The following TOP2B variants were observed in gnomAD, a reference collection of about 807,000 sequenced individuals.
The protein encoded by TOP2B is DNA topoisomerase 2-beta.
In TOP2B, 51 loss-of-function variants were observed where a neutral mutation model predicts 193.5. The observed-to-expected ratio is 0.26, with a 90% CI of 0.21 to 0.33. The LOEUF is 0.33. TOP2B is among the 10% of genes least tolerant of loss of function. The pLI, the probability that TOP2B is intolerant of heterozygous loss-of-function variation, is 1.00. For synonymous variants in TOP2B, 634 were observed against 635.7 expected, an observed-to-expected ratio of 1.00 and a Z score of 0.04; for missense variants, 1,378 against 1,909.3, an observed-to-expected ratio of 0.72 and a Z score of 5.19.
Position 25,636,016 on chromosome 3 carries a change from C to A in TOP2B, c.772G>T (p.Ala258Ser), listed in dbSNP as rs1703096491. ...KMEKLDKDIVALMTRRAYDLA... is the reference protein window; with the variant it reads ...KMEKLDKDIVSLMTRRAYDLA... ...TCATATGCCCTTCTAGTCATGAGGG[C>A]CACAATATCCTTGTCAAGTTTTTCC... Residue 258 changes from alanine to serine, a missense_variant, in exon 7 of 36, where the codon GCC becomes TCC. Coordinates refer to ENST00000264331, the MANE Select transcript of TOP2B (RefSeq NM_001330700.2). The A allele has an allele frequency of 6.2e-7, 1 of 1,613,322 alleles. No homozygotes were observed. The highest frequency in any genetic ancestry group is 1.3e-5 in the African/African-American group (1 of 74,902).
At chr3:25,608,447 T>C (rs1005246153) in intron 30 of TOP2B, among the ~76,000 whole-genome samples, 6 of 152,204 alleles carry the variant, frequency 3.9e-5, no homozygotes, top group African/African-American at 1.2e-4. Flanking sequence ...GATTCACCTA[T>C]ATTATGCTAC....
Position 25,620,674 on chromosome 3 carries a change from A to C in TOP2B, c.2862+8T>G. ...CTTCCCTCAGGCAGATCACATATTT[A>C]CACTGACCTGTGTCCAAGTTCTAAC... On this transcript the variant is annotated splice_region_variant and intron_variant, in intron 22 of 35. Coordinates refer to ENST00000264331, the MANE Select transcript of TOP2B (RefSeq NM_001330700.2). 1 of 1,610,956 alleles carries C rather than the reference A, an allele frequency of 6.2e-7. No homozygotes were observed. Among genetic ancestry groups the C allele is most frequent in the Non-Finnish European group, 8.5e-7 (1 of 1,178,374 alleles).
intron 33 of TOP2B, among the ~76,000 whole-genome samples, chr3:25,602,457 A>C (rs1169925108): frequency 6.6e-6 from 1 of 151,290 alleles, no homozygotes. Context: ...TAATTAAGAA[A>C]ACCTAATTTG....
At chr3:25,629,585 A>G (rs1427396985) in intron 13 of TOP2B, among the ~76,000 whole-genome samples, 4 of 152,146 alleles carry the variant, frequency 2.6e-5, no homozygotes, top group Non-Finnish European at 4.4e-5. Flanking sequence ...TTTTCTCTAC[A>G]AATACTTTAG....
intron 28 of TOP2B, among the ~76,000 whole-genome samples, chr3:25,611,529 C>T (rs868704128): frequency 2.0e-5 from 3 of 152,176 alleles, no homozygotes; most frequent in South Asian, 2.1e-4. Flanking sequence ...CACATCTAAA[C>T]GTATACTTTC....
In TOP2B at chr3:25,629,116, C is replaced by T; in HGVS notation, c.1719G>A (p.Leu573=). The stretch of plus-strand genomic sequence containing the variant: ...AATTGTGATGGATGAAATTAATAAG[C>T]AGGCCTTTTATGTGAGAACCATCTT... ...QDQDGSHIKG[L]LINFIHHNWP... is the part of the protein sequence containing the mutation. Residue 573 remains leucine (L), a synonymous_variant, in exon 14 of 36, where the codon CTG becomes CTA. Transcript: ENST00000264331. The T allele has an allele frequency of 6.2e-7, 1 of 1,600,972 alleles. No individual in the cohort carries two copies. Among genetic ancestry groups the T allele is most frequent in the Non-Finnish European group, 8.5e-7 (1 of 1,175,378 alleles).
chr3:25,624,628 C>T, intron 19 of TOP2B, 54 bp downstream of exon 19: 1 of 1,595,960 alleles, frequency 6.3e-7, no homozygotes, highest in Non-Finnish European at 8.5e-7. Flanking sequence ...GTGTAATTAT[C>T]ATTCTTCAAG....
chr3:25,605,673 T>C (rs1231502095), intron 32 of TOP2B, among the ~76,000 whole-genome samples: 1 of 152,090 alleles, frequency 6.6e-6, no homozygotes, highest in African/African-American at 2.4e-5. Context: ...ATCACACTGG[T>C]GCCCTTACAG....
At chr3:25,661,324 CTAAA>C (rs1440848711) in intron 1 of TOP2B, among the ~76,000 whole-genome samples, 8 of 152,054 alleles carry the variant, frequency 5.3e-5, no homozygotes, top group Non-Finnish European at 7.4e-5. Context: ...AAGCTTAAGG[CTAAA>C]TAGAGGGAAG....
chr3:25,657,810 C>T (rs1703788930), intron 1 of TOP2B, among the ~76,000 whole-genome samples: 1 of 152,092 alleles, frequency 6.6e-6, no homozygotes, highest in Non-Finnish European at 1.5e-5. Flanking sequence ...GCCTGTAATC[C>T]CAGCACTTTG....
intron 21 of TOP2B, among the ~76,000 whole-genome samples, chr3:25,622,513 T>G (rs1702684312): frequency 6.6e-6 from 1 of 152,070 alleles, no homozygotes; most frequent in Non-Finnish European, 1.5e-5. Flanking sequence ...ATCATTTTGG[T>G]AATAAAAATA....
Position 25,598,093 on chromosome 3 carries a change from A to AAGCCAATCAGACAGTACGTGACATTT in TOP2B, c.*188_*213dup. 1 of 393,078 alleles carries AAGCCAATCAGACAGTACGTGACATTT rather than the reference A, an allele frequency of 2.5e-6. No individual in the cohort carries two copies. 24.3% of individuals were successfully genotyped at this position (393,078 alleles called of 1,614,324 possible). A position where few individuals can be genotyped will look rare whatever the true frequency, so the allele number is the denominator to read the frequency against. On this transcript the variant is annotated 3_prime_UTR_variant, in exon 36 of 36. Coordinates refer to ENST00000264331, the MANE Select transcript of TOP2B (RefSeq NM_001330700.2). The stretch of plus-strand genomic sequence containing the variant: ...GCACGGCAGTCTATAACAATTCTAC[A>AAGCCAATCAGACAGTACGTGACATTT]AGCCAATCAGACAGTACGTGACATT...
chr3:25,601,025 A>G, intron 34 of TOP2B, 75 bp downstream of exon 34: 1 of 1,505,738 alleles, frequency 6.6e-7, no homozygotes, highest in Non-Finnish European at 9.0e-7. Flanking sequence ...GCCTCTCTAA[A>G]TTCAATGAGG....
At chr3:25,610,067 TA>T in intron 28 of TOP2B, among the ~76,000 whole-genome samples, 2 of 151,576 alleles carry the variant, frequency 1.3e-5, no homozygotes, top group Middle Eastern at 6.8e-3. Flanking sequence ...TATATACCAT[TA>T]AAAAATCCTG....
chr3:25,601,343 C>A, intron 33 of TOP2B, 118 bp from the exon 34 acceptor site: 1 of 1,267,438 alleles, frequency 7.9e-7, no homozygotes, highest in African/African-American at 1.5e-5. Context: ...CCTGGCTGGG[C>A]GTGGTGGCTC....
chr3:25,602,170 C>T (rs1294925128), intron 33 of TOP2B, among the ~76,000 whole-genome samples: 2 of 151,966 alleles, frequency 1.3e-5, no homozygotes, highest in African/African-American at 4.8e-5. Context: ...CCAAGGCAGG[C>T]GGATCACTGG....
At chr3:25,609,016 G>A (rs1049513093) in intron 30 of TOP2B, among the ~76,000 whole-genome samples, 167 bp downstream of exon 30, 1 of 152,126 alleles carries the variant, frequency 6.6e-6, no homozygotes, top group African/African-American at 2.4e-5. Context: ...AGAAATTTAT[G>A]TCCAACTTTG....
intron 1 of TOP2B, among the ~76,000 whole-genome samples, chr3:25,653,381 G>A (rs766882784): frequency 3.3e-5 from 5 of 151,740 alleles, no homozygotes; most frequent in Non-Finnish European, 7.4e-5. Context: ...AAAAATACTG[G>A]CAAACTCAAT....
chr3:25,614,234 G>C lies in TOP2B; in HGVS notation c.3591+971C>G, dbSNP rs148587395. On this transcript the variant is annotated intron_variant, in intron 27 of 35. Transcript: ENST00000264331. The stretch of plus-strand genomic sequence containing the variant: ...CTTTTCAATAGTGAGGAAATGTACA[G>C]GCATAACCACAAAAGTTTCCTGTGT... 5.3e-5 allele frequency among the ~76,000 whole-genome samples: 8 copies of C among 152,154 alleles called. No individual in the cohort carries two copies. In the East Asian group the frequency reaches 1.5e-3, roughly 29 times the overall value.
Sources: gnomAD v4.1 joint callset for allele counts (sites outside exome capture counted in the v4.1 genomes callset) on GRCh38, gnomAD v4.1.1 for gene constraint, MANE v1.5 for transcripts, NCBI Gene and HGNC (gene_info 2026-07-23, HGNC 2026-07-21) for gene names.